Variants in FAT3 observed in about 807,000 individuals in gnomAD.
FAT3 encodes protocadherin Fat 3.
Under a neutral mutation model 310.2 loss-of-function variants are expected in FAT3, and 95 were observed. The observed-to-expected ratio is 0.31, with a 90% CI of 0.26 to 0.36. The LOEUF is 0.36. Ranked by LOEUF, FAT3 falls within the 10% of genes least tolerant of loss-of-function variation. The pLI is 1.00. For synonymous variants in FAT3, 2,314 were observed against 2,192.9 expected (o/e 1.06, Z -1.54); for missense variants, 5,408 against 5,715.6 (o/e 0.95, Z 1.74).
intron 19 of FAT3, among the ~76,000 whole-genome samples, chr11:92,845,393 G>A (rs977334156): frequency 6.6e-6 from 1 of 152,198 alleles, no homozygotes; most frequent in African/African-American, 2.4e-5. Flanking sequence ...AGGGAAACAA[G>A]TTAGGAAGCT....
intron 21 of FAT3, among the ~76,000 whole-genome samples, chr11:92,863,624 T>G (rs1040427746): frequency 5.3e-5 from 8 of 152,232 alleles, no homozygotes; most frequent in Non-Finnish European, 1.2e-4. Context: ...ATCGTTGCTA[T>G]AGACATTTCT....
chr11:92,767,251 C>CAA (rs572259436), intron 6 of FAT3, among the ~76,000 whole-genome samples: 693 of 58,884 alleles, frequency 0.012, 4 homozygotes, highest in African/African-American at 0.039. Flanking sequence ...GACTCTGTCT[C>CAA]AAAAAAAAAA....
intron 4 of FAT3, among the ~76,000 whole-genome samples, chr11:92,719,720 CTGTGTGTGTGTGTGTGTGTGTG>C (rs751825746): frequency 2.9e-5 from 4 of 136,772 alleles, no homozygotes; most frequent in African/African-American, 8.3e-5. Flanking sequence ...AGAACCAACT[CTGTGTGTGTGTGTGTGTGTGTG>C]TGTGTGTGTG....
At chr11:92,563,910 C>T (rs922613972) in intron 3 of FAT3, among the ~76,000 whole-genome samples, 9 of 151,846 alleles carry the variant, frequency 5.9e-5, no homozygotes, top group East Asian at 1.9e-4. Context: ...AAGGAACAAC[C>T]GGTACCAGCC....
intron 2 of FAT3, among the ~76,000 whole-genome samples, chr11:92,411,021 G>A (rs1950245858): frequency 7.2e-6 from 1 of 139,502 alleles, no homozygotes; most frequent in Admixed American, 7.1e-5. Context: ...GAGTCTCTTA[G>A]GCAAGGAAAC....
At chr11:92,272,258 A>G (rs932494040) in intron 1 of FAT3, among the ~76,000 whole-genome samples, 6 of 152,098 alleles carry the variant, frequency 3.9e-5, no homozygotes, top group Non-Finnish European at 8.8e-5. Context: ...TCACACCTGC[A>G]TGGAAAGCTC....
intron 2 of FAT3, among the ~76,000 whole-genome samples, chr11:92,434,980 T>C (rs1204500491): frequency 6.6e-6 from 1 of 152,058 alleles, no homozygotes; most frequent in East Asian, 1.9e-4. Context: ...ACATGGGATT[T>C]TATTAGGGGC....
rs371113668 is a variant in FAT3, at chr11:92,766,430, C to G, written c.4195+1341C>G. ...ATGGGCAGGAACCTGCCTCTCCCCCCCAGGAATGGCTGTACTTGGGAAAAG... is the reference window on the plus strand; with the variant it reads ...ATGGGCAGGAACCTGCCTCTCCCCCGCAGGAATGGCTGTACTTGGGAAAAG... On this transcript the variant is annotated intron_variant, in intron 6 of 27. Transcript: ENST00000525166. Among the ~76,000 whole-genome samples, 12 of 152,228 alleles carry G rather than the reference C, an allele frequency of 7.9e-5. No individual in the cohort carries two copies. The East Asian group carries it at 1.4e-3, about 17-fold the overall frequency.
intron 12 of FAT3, among the ~76,000 whole-genome samples, chr11:92,808,572 C>T (rs1482382145): frequency 6.6e-6 from 1 of 152,166 alleles, no homozygotes; most frequent in Non-Finnish European, 1.5e-5. Context: ...ATGATCCAAC[C>T]TGTATCTGAG....
At chr11:92,336,092 G>A in intron 1 of FAT3, 1 of 518,790 alleles carries the variant, frequency 1.9e-6, no homozygotes, top group Non-Finnish European at 3.8e-6. Context: ...ATTCCATGAT[G>A]GGAAGGTCTT....
At chr11:92,397,755 AT>A (rs569826914) in intron 2 of FAT3, among the ~76,000 whole-genome samples, 5,573 of 134,952 alleles carry the variant, frequency 0.041, 207 homozygotes, top group African/African-American at 0.11. Context: ...CCTTCCCAGA[AT>A]TTTTTTTTTT....
chr11:92,253,360 C>T (rs1209632433), intron 1 of FAT3, among the ~76,000 whole-genome samples: 1 of 152,088 alleles, frequency 6.6e-6, no homozygotes. Flanking sequence ...TCTGGGATGC[C>T]TTCTGCTCCC....
At chr11:92,408,180 A>G (rs995983421) in intron 2 of FAT3, 1 of 152,240 alleles carries the variant, frequency 6.6e-6, no homozygotes, top group East Asian at 1.9e-4. Flanking sequence ...CACTGATCAC[A>G]TGCGAAGACC....
intron 3 of FAT3, among the ~76,000 whole-genome samples, chr11:92,678,996 C>G (rs976347148): frequency 2.6e-5 from 4 of 152,110 alleles, no homozygotes; most frequent in African/African-American, 9.7e-5. Context: ...ATTTCACTCT[C>G]TACATCCATG....
At chr11:92,753,218 T>C (rs1945874992) in intron 4 of FAT3, among the ~76,000 whole-genome samples, 1 of 152,104 alleles carries the variant, frequency 6.6e-6, no homozygotes, top group Admixed American at 6.6e-5. Context: ...GGCCAGTTGC[T>C]CTTAGAACCC....
chr11:92,287,180 A>G (rs957263546), intron 1 of FAT3, among the ~76,000 whole-genome samples: 5 of 152,172 alleles, frequency 3.3e-5, no homozygotes, highest in African/African-American at 1.2e-4. Flanking sequence ...GAAGAATAAA[A>G]ACAATCACAG....
chr11:92,871,443 C>T (rs575749787), intron 22 of FAT3, among the ~76,000 whole-genome samples: 2 of 152,200 alleles, frequency 1.3e-5, no homozygotes, highest in East Asian at 3.9e-4. Context: ...TAACAAGATC[C>T]CTAGGTGCTA....
At chr11:92,709,591 A>C (rs373691790) in intron 4 of FAT3, among the ~76,000 whole-genome samples, 8 of 152,326 alleles carry the variant, frequency 5.3e-5, no homozygotes, top group East Asian at 3.9e-4. Flanking sequence ...CCAGGGATGT[A>C]ATAGGCACTT....
At chr11:92,577,040 ATTCATTC>A (rs1316405828) in intron 3 of FAT3, among the ~76,000 whole-genome samples, 1 of 113,294 alleles carries the variant, frequency 8.8e-6, no homozygotes, top group Non-Finnish European at 2.1e-5. Context: ...TCATTCATTC[ATTCATTC>A]TTTTAGTATA....
Sources: gnomAD v4.1 joint callset for allele counts (sites outside exome capture counted in the v4.1 genomes callset) on GRCh38, gnomAD v4.1.1 for gene constraint, MANE v1.5 for transcripts, NCBI Gene and HGNC (gene_info 2026-07-23, HGNC 2026-07-21) for gene names.